The following RANBP2 variants were observed in gnomAD, a reference collection of about 807,000 sequenced individuals.
The protein encoded by RANBP2 is RAN binding protein 2.
A neutral mutation model predicts 303.6 loss-of-function variants in RANBP2; 57 were observed. That is an observed-to-expected ratio of 0.19 (90% CI 0.15 to 0.23). The LOEUF (loss-of-function observed/expected upper bound fraction) is 0.23. RANBP2 is among the 10% of genes least tolerant of loss of function. The probability of loss-of-function intolerance (pLI) is 1.00; values close to 1 mark genes in which losing one functional copy is unlikely to be tolerated. For synonymous variants in RANBP2, 1,167 were observed against 1,301.5 expected (o/e 0.90, Z 2.23); for missense variants, 3,138 against 3,780.8 (o/e 0.83, Z 4.46).
chr2:109,472,129 T>A, the RANBP2 span, among the ~76,000 whole-genome samples: 1 of 152,250 alleles, frequency 6.6e-6, no homozygotes, highest in Non-Finnish European at 1.5e-5. Flanking sequence ...TTAGTTAATA[T>A]GATTAACAAC....
the RANBP2 span, among the ~76,000 whole-genome samples, chr2:109,039,005 C>T: frequency 5.9e-5 from 9 of 152,290 alleles, no homozygotes; most frequent in East Asian, 3.9e-4. Context: ...CTAGTCCAGA[C>T]GTTGCTGTGA....
chr2:109,646,747 C>T, the RANBP2 span, among the ~76,000 whole-genome samples: 1 of 149,954 alleles, frequency 6.7e-6, no homozygotes, highest in Non-Finnish European at 1.5e-5. Context: ...CTCAAGAGAT[C>T]CACCCACGTA....
the RANBP2 span, among the ~76,000 whole-genome samples, chr2:109,546,934 G>A: frequency 6.6e-6 from 1 of 152,330 alleles, no homozygotes; most frequent in East Asian, 1.9e-4. Context: ...TAGGAGAGCA[G>A]AATGTGCAGG....
chr2:109,179,057 GTC>G, the RANBP2 span, among the ~76,000 whole-genome samples: 4 of 132,950 alleles, frequency 3.0e-5, no homozygotes, highest in Non-Finnish European at 6.8e-5. Context: ...CAGAATGAGA[GTC>G]TGTAAGTAAA....
the RANBP2 span, among the ~76,000 whole-genome samples, chr2:108,880,767 T>A: frequency 1.0e-3 from 157 of 152,326 alleles, no homozygotes; most frequent in African/African-American, 3.6e-3. Flanking sequence ...AAGACTCCTC[T>A]GAAAACATTA....
the RANBP2 span, among the ~76,000 whole-genome samples, chr2:108,815,308 T>A: frequency 6.6e-6 from 1 of 152,084 alleles, no homozygotes; most frequent in Non-Finnish European, 1.5e-5. Context: ...TTTACTTTTT[T>A]TCCATCTTAT....
At chr2:109,402,126 G>T in the RANBP2 span, among the ~76,000 whole-genome samples, 1 of 152,372 alleles carries the variant, frequency 6.6e-6, no homozygotes, top group East Asian at 1.9e-4. Context: ...GCGGGCTCCA[G>T]TGTGCTGCTA....
chr2:109,579,433 G>T, the RANBP2 span, among the ~76,000 whole-genome samples: 1,423 of 147,896 alleles, frequency 9.6e-3, 62 homozygotes, highest in East Asian at 0.13. Flanking sequence ...GACCAGGCTT[G>T]AGTGTAATGG....
the RANBP2 span, among the ~76,000 whole-genome samples, chr2:109,380,434 GT>G: frequency 1.3e-5 from 2 of 152,156 alleles, no homozygotes; most frequent in Non-Finnish European, 2.9e-5. Flanking sequence ...ATGTTATTGG[GT>G]TGTGGTTCAG....
At chr2:108,934,447 G>T in the RANBP2 span, among the ~76,000 whole-genome samples, 1 of 152,224 alleles carries the variant, frequency 6.6e-6, no homozygotes, top group Non-Finnish European at 1.5e-5. Context: ...CTGACGTGGG[G>T]CTCCAGCCTC....
chr2:109,054,630 G>A, the RANBP2 span, among the ~76,000 whole-genome samples: 1 of 151,618 alleles, frequency 6.6e-6, no homozygotes, highest in East Asian at 1.9e-4. Flanking sequence ...AACTAGGGAG[G>A]TGGAGGTTGC....
At chr2:108,745,623 T>A (rs2149191740) in intron 7 of RANBP2, among the ~76,000 whole-genome samples, 1 of 152,044 alleles carries the variant, frequency 6.6e-6, no homozygotes, top group Admixed American at 6.6e-5. Flanking sequence ...GGTTATTGCA[T>A]GAGGATCTCT....
At chr2:108,845,911 A>G in the RANBP2 span, among the ~76,000 whole-genome samples, 1 of 152,152 alleles carries the variant, frequency 6.6e-6, no homozygotes, top group African/African-American at 2.4e-5. Flanking sequence ...CCATTAGATC[A>G]TATATTATTT....
chr2:109,524,460 A>AAAAAAAC, the RANBP2 span, among the ~76,000 whole-genome samples: 1 of 68,032 alleles, frequency 1.5e-5, no homozygotes. Context: ...AAAAAAAAAA[A>AAAAAAAC]AAAAAACAAA....
the RANBP2 span, among the ~76,000 whole-genome samples, chr2:109,407,347 T>G: frequency 3.0e-3 from 459 of 152,338 alleles, 7 homozygotes; most frequent in Non-Finnish European, 1.1e-3. Context: ...AGTCTCTTCG[T>G]GTCTGAGAAG....
At chr2:108,973,848 TAAC>T in the RANBP2 span, among the ~76,000 whole-genome samples, 3 of 152,280 alleles carry the variant, frequency 2.0e-5, no homozygotes, top group East Asian at 5.8e-4. Flanking sequence ...TTTATGTAAA[TAAC>T]AACATTTCTT....
chr2:109,386,045 G>A, the RANBP2 span, among the ~76,000 whole-genome samples: 2 of 152,236 alleles, frequency 1.3e-5, no homozygotes, highest in African/African-American at 4.8e-5. Flanking sequence ...GGATGAGCTG[G>A]AATGGAAGTG....
downstream of RANBP2, chr2:108,786,961 G>GC: frequency 7.4e-7 from 1 of 1,348,080 alleles, no homozygotes. Flanking sequence ...TGCTGCTGGG[G>GC]GGCGGCCCGC....
the RANBP2 span, among the ~76,000 whole-genome samples, chr2:109,308,279 T>C: frequency 1.6e-5 from 2 of 125,798 alleles, no homozygotes; most frequent in East Asian, 4.3e-4. Context: ...TGTTTGTTTT[T>C]TTCTTGTAAA....
Sources: gnomAD v4.1 joint callset for allele counts (sites outside exome capture counted in the v4.1 genomes callset) on GRCh38, gnomAD v4.1.1 for gene constraint, MANE v1.5 for transcripts, NCBI Gene and HGNC (gene_info 2026-07-23, HGNC 2026-07-21) for gene names.